MGAT4C: variants seen among roughly 807,000 people sequenced by gnomAD.
The protein encoded by MGAT4C is MGAT4 family member C.
A neutral mutation model predicts 40.1 loss-of-function variants in MGAT4C; 19 were observed. The observed-to-expected ratio is 0.47, with a 90% CI of 0.33 to 0.70. The LOEUF (loss-of-function observed/expected upper bound fraction) is 0.70. Ranked by LOEUF, MGAT4C falls within the 30% of genes least tolerant of loss-of-function variation. MGAT4C has a pLI of 0.02. For synonymous variants in MGAT4C, 181 were observed against 187.1 expected (o/e 0.97, Z 0.27); for missense variants, 491 against 563.2 (o/e 0.87, Z 1.30).
intron 2 of MGAT4C, among the ~76,000 whole-genome samples, chr12:86,541,342 C>G (rs753731656): frequency 6.6e-6 from 1 of 152,066 alleles, no homozygotes; most frequent in African/African-American, 2.4e-5. Context: ...GAAGTCAGAG[C>G]AACATAAAAT....
chr12:86,537,579 C>T (rs189030926), intron 2 of MGAT4C, among the ~76,000 whole-genome samples: 163 of 152,118 alleles, frequency 1.1e-3, no homozygotes, highest in African/African-American at 3.5e-3. Flanking sequence ...ATGCCCTGTG[C>T]GGTCAGGAGT....
At chr12:86,533,129 G>T (rs539988550) in intron 2 of MGAT4C, among the ~76,000 whole-genome samples, 1 of 152,034 alleles carries the variant, frequency 6.6e-6, no homozygotes, top group Admixed American at 6.6e-5. Context: ...TTGGATTCCA[G>T]AACCCCAACT....
At chr12:86,178,036 A>G (rs1887672619) in intron 1 of MGAT4C, among the ~76,000 whole-genome samples, 3 of 152,106 alleles carry the variant, frequency 2.0e-5, no homozygotes, top group Admixed American at 6.5e-5. Context: ...TCCTGGGTTC[A>G]CACCATTCTC....
chr12:86,422,705 C>T (rs755938511), intron 3 of MGAT4C, among the ~76,000 whole-genome samples: 17 of 152,158 alleles, frequency 1.1e-4, no homozygotes, highest in Non-Finnish European at 1.9e-4. Flanking sequence ...TGACACAATT[C>T]AATAAAGATA....
chr12:86,437,971 C>T (rs1004964342), intron 2 of MGAT4C, among the ~76,000 whole-genome samples: 2 of 151,848 alleles, frequency 1.3e-5, no homozygotes, highest in African/African-American at 4.8e-5. Flanking sequence ...CCTACAATGG[C>T]TTCTAAGTGT....
intron 2 of MGAT4C, chr12:86,028,204 TCTG>T: frequency 1.6e-6 from 2 of 1,282,474 alleles, no homozygotes; most frequent in Admixed American, 4.8e-5. Context: ...CAAGATTCCA[TCTG>T]CTGATGGAAA....
chr12:86,452,624 C>T (rs78358221), intron 2 of MGAT4C, among the ~76,000 whole-genome samples: 6,660 of 151,906 alleles, frequency 0.044, 484 homozygotes, highest in African/African-American at 0.15. Flanking sequence ...AGAATATTGG[C>T]TTCCTGAATA....
chr12:86,662,249 G>A (rs1051771540), intron 2 of MGAT4C, among the ~76,000 whole-genome samples: 1 of 151,968 alleles, frequency 6.6e-6, no homozygotes, highest in Non-Finnish European at 1.5e-5. Flanking sequence ...GTTTTATACC[G>A]AATACAATCA....
intron 1 of MGAT4C, among the ~76,000 whole-genome samples, chr12:86,176,311 A>G (rs1432844685): frequency 2.0e-5 from 3 of 152,114 alleles, no homozygotes; most frequent in Non-Finnish European, 4.4e-5. Context: ...TTGCTTTGCA[A>G]CTTTGTTTAC....
intron 2 of MGAT4C, among the ~76,000 whole-genome samples, chr12:86,640,611 A>G (rs903572771): frequency 6.6e-6 from 1 of 151,012 alleles, no homozygotes; most frequent in African/African-American, 2.4e-5. Flanking sequence ...CTTCAGTTCT[A>G]CTCTGATTTT....
At chr12:86,701,449 G>T (rs1950363107) in intron 2 of MGAT4C, among the ~76,000 whole-genome samples, 1 of 152,004 alleles carries the variant, frequency 6.6e-6, no homozygotes, top group African/African-American at 2.4e-5. Flanking sequence ...GTTTTAGGGT[G>T]ACATGAGCCG....
chr12:86,269,198 T>C (rs999657096), intron 4 of MGAT4C, among the ~76,000 whole-genome samples: 13 of 150,956 alleles, frequency 8.6e-5, no homozygotes, highest in African/African-American at 2.9e-4. Flanking sequence ...AAAGTTGTTA[T>C]AATTATATCT....
At chr12:86,547,032 T>A (rs4842741) in intron 2 of MGAT4C, among the ~76,000 whole-genome samples, 1 of 151,772 alleles carries the variant, frequency 6.6e-6, no homozygotes, top group Non-Finnish European at 1.5e-5. Context: ...ATGTAAAAAT[T>A]TTTTTCCAGG....
chr12:86,080,961 T>G (rs549164263), intron 1 of MGAT4C, among the ~76,000 whole-genome samples: 6 of 152,250 alleles, frequency 3.9e-5, no homozygotes, highest in Admixed American at 3.9e-4. Context: ...TTAAATCAAG[T>G]CTATAAGTAA....
At chr12:86,394,696 T>G (rs1298068224) in intron 3 of MGAT4C, among the ~76,000 whole-genome samples, 1 of 148,832 alleles carries the variant, frequency 6.7e-6, no homozygotes, top group Non-Finnish European at 1.5e-5. Flanking sequence ...CTCAGCTCAC[T>G]GCAACCTCCG....
chr12:86,524,342 C>A lies in MGAT4C; in HGVS notation c.-228-89077G>T, dbSNP rs528264889. 7.4e-4 allele frequency among the ~76,000 whole-genome samples: 113 copies of A among 152,260 alleles called. 2 individuals are homozygous for A. The South Asian group carries it at 0.023, about 31-fold the overall frequency. ...TGAAAAGGACCTTATTTTTCCTTCA[C>A]TCTTGAAGCTTAGTTTGGCCAGATA... On this transcript the variant is annotated intron_variant, in intron 2 of 7. Coordinates refer to the MGAT4C transcript ENST00000548651.
At chr12:86,231,039 T>C (rs934751086) in intron 1 of MGAT4C, among the ~76,000 whole-genome samples, 1 of 152,160 alleles carries the variant, frequency 6.6e-6, no homozygotes, top group Non-Finnish European at 1.5e-5. Flanking sequence ...CCGAGTCAAA[T>C]TGAAATAAAA....
intron 1 of MGAT4C, among the ~76,000 whole-genome samples, chr12:86,750,438 T>C (rs936932191): frequency 6.6e-6 from 1 of 151,892 alleles, no homozygotes; most frequent in South Asian, 2.1e-4. Context: ...TTTACCTTCA[T>C]TATTTTTTGA....
At chr12:86,537,386 A>T (rs188662017) in intron 2 of MGAT4C, among the ~76,000 whole-genome samples, 2 of 151,970 alleles carry the variant, frequency 1.3e-5, no homozygotes, top group African/African-American at 4.8e-5. Flanking sequence ...AAAAAACAAC[A>T]GTTAAGGCTT....
Sources: allele counts gnomAD v4.1 joint callset (sites outside exome capture counted in the v4.1 genomes callset), GRCh38; gene constraint gnomAD v4.1.1; transcripts MANE v1.5; gene names NCBI Gene and HGNC (gene_info 2026-07-23, HGNC 2026-07-21).